GLI2: variants seen among roughly 807,000 people sequenced by gnomAD.
The protein encoded by GLI2 is GLI family zinc finger 2, also known as transcription activator GLI2.
In GLI2, 22 loss-of-function variants were observed where a neutral mutation model predicts 78.9. The observed-to-expected ratio is 0.28, with a 90% CI of 0.20 to 0.40. The LOEUF is 0.40. Ranked by LOEUF, GLI2 falls within the 10% of genes least tolerant of loss-of-function variation. GLI2 has a pLI of 1.00. For synonymous variants in GLI2, 974 were observed against 963.7 expected (o/e 1.01, Z -0.20); for missense variants, 2,097 against 2,213.2 (o/e 0.95, Z 1.05).
At chr2:120,979,942 A>G (rs1365372741) in intron 10 of GLI2, among the ~76,000 whole-genome samples, 3 of 152,214 alleles carry the variant, frequency 2.0e-5, no homozygotes, top group African/African-American at 7.2e-5. Flanking sequence ...CACGTTTGCA[A>G]GGTTCACCTG....
chr2:120,959,114 C>CG (rs1180943699), intron 5 of GLI2, among the ~76,000 whole-genome samples: 3 of 152,164 alleles, frequency 2.0e-5, no homozygotes, highest in Non-Finnish European at 4.4e-5. Context: ...TTGGCAGCCC[C>CG]GGGGGCTGAG....
intron 2 of GLI2, among the ~76,000 whole-genome samples, chr2:120,833,102 C>G (rs992805933): frequency 1.3e-5 from 2 of 152,082 alleles, no homozygotes; most frequent in African/African-American, 4.8e-5. Flanking sequence ...CTCCAGGCCT[C>G]CTTCATTTTA....
chr2:120,797,269 G>T, intron 1 of GLI2, 22 bp from the exon 2 acceptor site: 1 of 1,602,470 alleles, frequency 6.2e-7, no homozygotes. Flanking sequence ...GTGTTGGTGA[G>T]TGTCTTTGTC....
At chr2:120,791,362 T>A (rs1303857515) in intron 1 of GLI2, among the ~76,000 whole-genome samples, 1 of 152,104 alleles carries the variant, frequency 6.6e-6, no homozygotes, top group Admixed American at 6.5e-5. Context: ...CTGAGGTCAT[T>A]TTCCCAGTGG....
rs537802426 is a variant in GLI2, at chr2:120,798,408, A to G, written c.148+940A>G. The stretch of plus-strand genomic sequence containing the variant: ...AAGATGATGCTGGGGCTGCTGGTTC[A>G]CAGGCCACGCTGGGGCCGGAGCCCA... On this transcript the variant is annotated intron_variant, in intron 2 of 13. Transcript: ENST00000361492. 4.3e-4 allele frequency among the ~76,000 whole-genome samples: 66 copies of G among 152,288 alleles called. 1 individual carries two copies. The South Asian group carries it at 0.011, about 24-fold the overall frequency.
rs2105051121 is a variant in GLI2 at position 120,978,549 on chromosome 2, G to A, written c.1433G>A (p.Arg478Gln). 1 of 1,613,994 alleles carries A rather than the reference G, an allele frequency of 6.2e-7. No homozygotes were observed. Among genetic ancestry groups the A allele is most frequent in the Non-Finnish European group, 8.5e-7 (1 of 1,180,016 alleles). The stretch of plus-strand genomic sequence containing the variant: ...CAGTACATGCTGGTGGTGCACATGC[G>A]GCGACACACGGGCGAGAAGCCCCAC... ...KAQYMLVVHM[R>Q]RHTGEKPHKC... Residue 478 changes from arginine to glutamine, a missense_variant, in exon 10 of 14, where the codon CGG becomes CAG. Around this residue, in one of 5 missense-constraint regions of GLI2, gnomAD observed 104 missense variants for 190.6 expected, o/e 0.55. Coordinates refer to ENST00000361492, the MANE Select transcript of GLI2 (RefSeq NM_001374353.1).
At chr2:120,820,635 G>A (rs989966000) in intron 2 of GLI2, among the ~76,000 whole-genome samples, 17 of 152,246 alleles carry the variant, frequency 1.1e-4, no homozygotes, top group Admixed American at 7.2e-4. Flanking sequence ...GTGTGTGGAC[G>A]TGTGTGCACA....
chr2:120,842,455 C>T (rs754499450), intron 2 of GLI2, among the ~76,000 whole-genome samples: 4 of 152,116 alleles, frequency 2.6e-5, no homozygotes, highest in African/African-American at 9.7e-5. Flanking sequence ...ATTATGTGGA[C>T]AGACTGTAAT....
chr2:120,839,869 CAG>C (rs895837690), intron 2 of GLI2, among the ~76,000 whole-genome samples: 1 of 152,214 alleles, frequency 6.6e-6, no homozygotes, highest in African/African-American at 2.4e-5. Flanking sequence ...AGCCTTTTCA[CAG>C]AGTTTTATTA....
intron 1 of GLI2, among the ~76,000 whole-genome samples, chr2:120,779,806 G>A (rs925558740): frequency 6.6e-6 from 1 of 152,178 alleles, no homozygotes; most frequent in African/African-American, 2.4e-5. Context: ...TAACCACTCC[G>A]CCATCCTGCC....
chr2:120,835,628 C>T (rs1192013541), intron 2 of GLI2, among the ~76,000 whole-genome samples: 3 of 152,052 alleles, frequency 2.0e-5, no homozygotes, highest in Non-Finnish European at 4.4e-5. Context: ...TCAGGTGATC[C>T]GCCCACCTCA....
intron 1 of GLI2, among the ~76,000 whole-genome samples, chr2:120,789,734 A>G (rs1012385071): frequency 1.8e-4 from 28 of 152,252 alleles, no homozygotes; most frequent in African/African-American, 6.5e-4. Context: ...GCATCTGTGC[A>G]TACAAAGGAG....
intron 1 of GLI2, among the ~76,000 whole-genome samples, chr2:120,749,378 A>T (rs867790800): frequency 1.4e-4 from 21 of 151,092 alleles, no homozygotes; most frequent in Non-Finnish European, 1.9e-4. Context: ...GCTGTATTTT[A>T]AAAAAAAAAT....
chr2:120,809,886 C>G (rs1489649760), intron 2 of GLI2, among the ~76,000 whole-genome samples: 1 of 152,126 alleles, frequency 6.6e-6, no homozygotes, highest in African/African-American at 2.4e-5. Context: ...ACTTCCACTC[C>G]TTTATCACCA....
chr2:120,953,001 G>A (rs948453326), intron 4 of GLI2, among the ~76,000 whole-genome samples: 4 of 152,216 alleles, frequency 2.6e-5, no homozygotes, highest in Non-Finnish European at 4.4e-5. Context: ...TACTACTCCT[G>A]AACAACGGGT....
intron 12 of GLI2, among the ~76,000 whole-genome samples, chr2:120,985,020 G>A (rs1393773417): frequency 3.9e-5 from 6 of 152,184 alleles, no homozygotes; most frequent in Admixed American, 3.9e-4. Context: ...CCTGCACAGG[G>A]CGGGGGTGGC....
chr2:120,788,637 G>A (rs1278302815), intron 1 of GLI2, among the ~76,000 whole-genome samples: 1 of 152,246 alleles, frequency 6.6e-6, no homozygotes, highest in Non-Finnish European at 1.5e-5. Flanking sequence ...GCAAGTCAGT[G>A]AATTAGGGTT....
chr2:120,838,781 T>G (rs940776019), intron 2 of GLI2, among the ~76,000 whole-genome samples: 3 of 152,258 alleles, frequency 2.0e-5, no homozygotes, highest in African/African-American at 4.8e-5. Context: ...ATACAAATCC[T>G]TACCATTGTG....
chr2:120,767,389 A>T (rs1165878368), intron 1 of GLI2, among the ~76,000 whole-genome samples: 1 of 152,034 alleles, frequency 6.6e-6, no homozygotes, highest in Non-Finnish European at 1.5e-5. Context: ...AAGCATGTTC[A>T]GTGGGGATGT....
Sources: gnomAD v4.1 joint callset for allele counts (sites outside exome capture counted in the v4.1 genomes callset) on GRCh38, gnomAD v4.1.1 for gene constraint, gnomAD v4.1.1 regional missense constraint, MANE v1.5 for transcripts, NCBI Gene and HGNC (gene_info 2026-07-23, HGNC 2026-07-21) for gene names.